The following CSMD1 variants were observed in gnomAD, a reference collection of about 807,000 sequenced individuals.
CSMD1 encodes CUB and sushi domain-containing protein 1.
CSMD1 carries 213 observed loss-of-function variants against 417.5 expected under a neutral mutation model. The ratio of observed to expected loss-of-function variants is 0.51; its 90% CI spans 0.46 to 0.57. The LOEUF (loss-of-function observed/expected upper bound fraction) is 0.57, where lower values mean the gene tolerates loss of function less well. CSMD1 is among the 20% of genes least tolerant of loss of function. The pLI is 0.00. For synonymous variants in CSMD1, 2,862 were observed against 1,736.8 expected, an observed-to-expected ratio of 1.65 and a Z score of -16.11; for missense variants, 6,923 against 4,529.7, an observed-to-expected ratio of 1.53 and a Z score of -15.17.
chr8:4,700,013 C>T (rs974241828), intron 1 of CSMD1, among the ~76,000 whole-genome samples: 4 of 152,204 alleles, frequency 2.6e-5, no homozygotes, highest in Non-Finnish European at 5.9e-5. Flanking sequence ...CTTCATCTCG[C>T]TAATCTTAGA....
In CSMD1 at chr8:4,623,162, G is replaced by T. The variant is rs185600614; in HGVS notation, c.302+14180C>A. ...ATAACTCAAAGGGAAGACAAAAGTT[G>T]CAGTGAAGATGCGCAAAATATTTTA... is the stretch of plus-strand genomic sequence containing the variant. On this transcript the variant is annotated intron_variant, in intron 2 of 69. Transcript: ENST00000635120. Among the ~76,000 whole-genome samples the T allele has an allele frequency of 5.8e-4, 89 of 152,194 alleles. 2 individuals are homozygous for T. Among genetic ancestry groups the T allele is most frequent in the Non-Finnish European group, 1.3e-4 (9 of 67,992 alleles).
intron 5 of CSMD1, among the ~76,000 whole-genome samples, chr8:3,872,817 C>G (rs1805565555): frequency 1.5e-5 from 2 of 137,480 alleles, no homozygotes; most frequent in Admixed American, 1.5e-4. Flanking sequence ...GCAACTTAAA[C>G]AAATTTACAA....
At chr8:3,778,195 A>G (rs1036444071) in intron 5 of CSMD1, among the ~76,000 whole-genome samples, 1 of 152,176 alleles carries the variant, frequency 6.6e-6, no homozygotes, top group African/African-American at 2.4e-5. Flanking sequence ...CAGGGACGGG[A>G]TCCTGGCCGT....
At chr8:4,435,641 C>T (rs774591136) in intron 2 of CSMD1, among the ~76,000 whole-genome samples, 1 of 152,168 alleles carries the variant, frequency 6.6e-6, no homozygotes, top group Non-Finnish European at 1.5e-5. Flanking sequence ...CCTACCACCT[C>T]CCTGGGGGAA....
intron 46 of CSMD1, among the ~76,000 whole-genome samples, chr8:3,101,557 G>A (rs1423761453): frequency 6.6e-6 from 1 of 151,832 alleles, no homozygotes. Context: ...GGAGTAGCTG[G>A]GACTACAGGG....
intron 2 of CSMD1, among the ~76,000 whole-genome samples, chr8:4,514,943 A>G (rs1756516846): frequency 6.6e-6 from 1 of 152,160 alleles, no homozygotes; most frequent in Non-Finnish European, 1.5e-5. Context: ...TTCATTACAT[A>G]TCTCACCCAA....
chr8:4,698,903 AACACACACACACACAC>A (rs71988727), intron 1 of CSMD1, among the ~76,000 whole-genome samples: 88 of 140,216 alleles, frequency 6.3e-4, no homozygotes, highest in African/African-American at 2.0e-3. Context: ...ATACCCTCCC[AACACACACACACACAC>A]ACACACACAC....
Position 3,828,435 on chromosome 8 carries a change from C to T in CSMD1, c.819-74393G>A, listed in dbSNP as rs563596738. On this transcript the variant is annotated intron_variant, in intron 5 of 69. Coordinates refer to ENST00000635120, the MANE Select transcript of CSMD1 (RefSeq NM_033225.6). ...TTGCAACAGCCTCTGACTTGGAATA[C>T]AAAAAGAATAAAATATATAAAAACC... Among the ~76,000 whole-genome samples, 5 of 152,170 alleles carry T rather than the reference C, an allele frequency of 3.3e-5. No homozygotes were observed. The South Asian group carries it at 1.0e-3, about 32-fold the overall frequency.
chr8:4,168,332 G>A (rs192284966), intron 3 of CSMD1, among the ~76,000 whole-genome samples: 7 of 151,986 alleles, frequency 4.6e-5, no homozygotes, highest in East Asian at 3.9e-4. Flanking sequence ...AAAGGTCAAG[G>A]CTACAGTGAT....
intron 3 of CSMD1, among the ~76,000 whole-genome samples, chr8:4,078,142 T>G (rs1246613657): frequency 6.6e-6 from 1 of 152,182 alleles, no homozygotes; most frequent in African/African-American, 2.4e-5. Context: ...AACTTTAAAA[T>G]CAGCTTACAA....
At chr8:3,085,408 A>T (rs1337106024) in intron 49 of CSMD1, among the ~76,000 whole-genome samples, 3 of 152,218 alleles carry the variant, frequency 2.0e-5, no homozygotes, top group African/African-American at 7.2e-5. Flanking sequence ...AAAGTCGTGT[A>T]AGTTATTTAT....
chr8:3,881,718 C>T (rs577957137), intron 5 of CSMD1, among the ~76,000 whole-genome samples: 2 of 151,448 alleles, frequency 1.3e-5, no homozygotes, highest in South Asian at 2.1e-4. Context: ...GAGCTTGGGG[C>T]CTTACACTAC....
chr8:4,338,678 G>T (rs141046456), intron 3 of CSMD1, among the ~76,000 whole-genome samples: 3 of 152,178 alleles, frequency 2.0e-5, no homozygotes, highest in African/African-American at 7.2e-5. Context: ...AGAAATAGAA[G>T]CCACAATTCC....
chr8:4,256,338 T>C (rs1803452744), intron 3 of CSMD1, among the ~76,000 whole-genome samples: 1 of 152,194 alleles, frequency 6.6e-6, no homozygotes, highest in Non-Finnish European at 1.5e-5. Context: ...TCTGAATTTC[T>C]AGCTCCTACT....
intron 5 of CSMD1, among the ~76,000 whole-genome samples, chr8:3,776,352 G>GT (rs1441361578): frequency 6.6e-6 from 1 of 152,066 alleles, no homozygotes; most frequent in African/African-American, 2.4e-5. Context: ...ACTCTCCAGG[G>GT]GTCACCTGTC....
intron 1 of CSMD1, among the ~76,000 whole-genome samples, chr8:4,849,703 A>G (rs540073297): frequency 6.6e-6 from 1 of 152,280 alleles, no homozygotes; most frequent in South Asian, 2.1e-4. Context: ...TACAGATTTG[A>G]AGCTTAGGGG....
rs1454805846 is a variant in CSMD1, at chr8:3,785,756, C to G, written c.819-31714G>C. Among the ~76,000 whole-genome samples the G allele has an allele frequency of 3.3e-5, 5 of 152,234 alleles. No individual in the cohort carries two copies. In the East Asian group the frequency reaches 7.7e-4, roughly 24 times the overall value. ...TGCGGGGAGCCAGGAGCTAGGAAGC[C>G]TATGGTGCCCCAGGAACCTGGAAGA... is the stretch of plus-strand genomic sequence containing the variant. On this transcript the variant is annotated intron_variant, in intron 5 of 69. Coordinates refer to ENST00000635120, the MANE Select transcript of CSMD1 (RefSeq NM_033225.6).
intron 10 of CSMD1, among the ~76,000 whole-genome samples, chr8:3,531,009 T>C (rs1156328285): frequency 6.7e-6 from 1 of 149,000 alleles, no homozygotes; most frequent in Non-Finnish European, 1.5e-5. Context: ...CACACCACCA[T>C]GCCCAGCTAA....
At chr8:4,350,604 G>T (rs182201121) in intron 3 of CSMD1, among the ~76,000 whole-genome samples, 1 of 152,128 alleles carries the variant, frequency 6.6e-6, no homozygotes, top group Non-Finnish European at 1.5e-5. Context: ...AGAAAAAGCA[G>T]AACAAAACTG....
Sources: gnomAD v4.1 joint callset for allele counts (sites outside exome capture counted in the v4.1 genomes callset) on GRCh38, gnomAD v4.1.1 for gene constraint, MANE v1.5 for transcripts, NCBI Gene and HGNC (gene_info 2026-07-23, HGNC 2026-07-21) for gene names.